KCNMA1: variants seen among roughly 807,000 people sequenced by gnomAD.
The protein encoded by KCNMA1 is Calcium-activated potassium channel subunit alpha-1.
A neutral mutation model predicts 140.0 loss-of-function variants in KCNMA1; 29 were observed. The observed-to-expected ratio is 0.21, with a 90% confidence interval of 0.15 to 0.28. KCNMA1 has a LOEUF of 0.28. Among genes scored for constraint, KCNMA1 ranks in the 10% least tolerant of loss-of-function variants. KCNMA1 has a pLI of 1.00. For synonymous variants in KCNMA1, 612 were observed against 611.9 expected (o/e 1.00, Z 0.00); for missense variants, 880 against 1,602.2 (o/e 0.55, Z 7.70).
At chr10:77,131,024 A>G (rs1306153594) in intron 5 of KCNMA1, among the ~76,000 whole-genome samples, 1 of 152,138 alleles carries the variant, frequency 6.6e-6, no homozygotes, top group East Asian at 1.9e-4. Context: ...GGTGAAATGA[A>G]GTGGCTGACC....
chr10:77,617,458 G>A (rs1212160028), intron 1 of KCNMA1, among the ~76,000 whole-genome samples: 1 of 152,228 alleles, frequency 6.6e-6, no homozygotes, highest in Non-Finnish European at 1.5e-5. Context: ...CAGGGAGGCA[G>A]TTATGCCCCT....
At chr10:77,147,205 C>T (rs1486827871) in intron 5 of KCNMA1, among the ~76,000 whole-genome samples, 1 of 152,210 alleles carries the variant, frequency 6.6e-6, no homozygotes, top group African/African-American at 2.4e-5. Context: ...ATAACTTGTA[C>T]TATAACTTAT....
chr10:77,434,006 A>C (rs1343308270), intron 1 of KCNMA1, among the ~76,000 whole-genome samples: 1 of 152,206 alleles, frequency 6.6e-6, no homozygotes, highest in Non-Finnish European at 1.5e-5. Context: ...TAGGAAGCTC[A>C]GTTAAACTTT....
At chr10:77,484,026 G>C (rs2098434295) in intron 1 of KCNMA1, among the ~76,000 whole-genome samples, 1 of 152,204 alleles carries the variant, frequency 6.6e-6, no homozygotes, top group South Asian at 2.1e-4. Flanking sequence ...GCCAAAAATG[G>C]CACTCAGGAA....
chr10:77,104,512 T>C (rs980838570), intron 9 of KCNMA1, among the ~76,000 whole-genome samples: 1 of 152,172 alleles, frequency 6.6e-6, no homozygotes, highest in Non-Finnish European at 1.5e-5. Flanking sequence ...CCTGTCAGCA[T>C]TTGGCTACCA....
intron 29 of KCNMA1, among the ~76,000 whole-genome samples, chr10:76,879,455 A>C (rs1474260071): frequency 6.6e-6 from 1 of 152,126 alleles, no homozygotes; most frequent in African/African-American, 2.4e-5. Flanking sequence ...CTAACTGATT[A>C]AGTGCTTTAA....
chr10:77,541,107 A>G (rs1237554099), intron 1 of KCNMA1, among the ~76,000 whole-genome samples: 1 of 152,180 alleles, frequency 6.6e-6, no homozygotes, highest in African/African-American at 2.4e-5. Context: ...CCTTTAATAT[A>G]AGACAGGAAA....
chr10:77,228,500 A>G (rs2052364551), intron 3 of KCNMA1, among the ~76,000 whole-genome samples: 1 of 152,172 alleles, frequency 6.6e-6, no homozygotes. Context: ...GAGATAAACA[A>G]AGAGTCTCTG....
intron 2 of KCNMA1, among the ~76,000 whole-genome samples, chr10:77,320,087 G>A (rs758087556): frequency 5.3e-5 from 8 of 152,218 alleles, no homozygotes; most frequent in Non-Finnish European, 1.2e-4. Context: ...TCTACACTCT[G>A]TGGATGGAAA....
Position 77,079,044 on chromosome 10 carries a change from G to T in KCNMA1, c.1593+437C>A, listed in dbSNP as rs965650610. Among the ~76,000 whole-genome samples, 7 of 152,160 alleles carry T rather than the reference G, an allele frequency of 4.6e-5. No homozygotes were observed. In the East Asian group the frequency reaches 1.2e-3, roughly 25 times the overall value. On this transcript the variant is annotated intron_variant, in intron 13 of 27. Transcript: ENST00000286628. ...CCAGCACTTTGGGAGGCCGAGGCGGGCAGATCACCTGAGGTTGGGAGTTCG... is the reference window on the plus strand; with the variant it reads ...CCAGCACTTTGGGAGGCCGAGGCGGTCAGATCACCTGAGGTTGGGAGTTCG...
chr10:77,381,637 T>G (rs913960166), intron 2 of KCNMA1, among the ~76,000 whole-genome samples: 9 of 149,492 alleles, frequency 6.0e-5, no homozygotes, highest in Non-Finnish European at 3.0e-5. Flanking sequence ...TTTCAATGAC[T>G]TTTTTTTTAA....
intron 10 of KCNMA1, 95 bp from the exon 11 acceptor site, chr10:77,086,688 T>G: frequency 2.3e-6 from 2 of 854,280 alleles, no homozygotes; most frequent in South Asian, 2.8e-5. Context: ...CAGGGAGCCC[T>G]GGGGAGAGGC....
At chr10:77,425,928 C>T (rs2096978242) in intron 1 of KCNMA1, among the ~76,000 whole-genome samples, 2 of 152,142 alleles carry the variant, frequency 1.3e-5, no homozygotes, top group Non-Finnish European at 2.9e-5. Flanking sequence ...AGAGGATAAG[C>T]TAAGCAAGGG....
chr10:77,508,340 A>ATTTTTT (rs58578775), intron 1 of KCNMA1, among the ~76,000 whole-genome samples: 149 of 131,614 alleles, frequency 1.1e-3, no homozygotes, highest in African/African-American at 1.6e-3. Context: ...ATGCCTGGCT[A>ATTTTTT]TTTTTTTTTT....
intron 2 of KCNMA1, among the ~76,000 whole-genome samples, chr10:77,264,030 G>A (rs949225221): frequency 6.6e-6 from 1 of 152,156 alleles, no homozygotes; most frequent in Non-Finnish European, 1.5e-5. Flanking sequence ...CCCGAATGAA[G>A]TAGAAAGTTT....
At chr10:77,479,931 T>C (rs570528261) in intron 1 of KCNMA1, among the ~76,000 whole-genome samples, 45 of 152,318 alleles carry the variant, frequency 3.0e-4, no homozygotes, top group Non-Finnish European at 6.0e-4. Context: ...TATAATTCCT[T>C]GTGTGTCCCA....
intron 2 of KCNMA1, among the ~76,000 whole-genome samples, chr10:77,318,655 C>T (rs1330708227): frequency 1.3e-5 from 2 of 152,090 alleles, no homozygotes; most frequent in Non-Finnish European, 2.9e-5. Context: ...ATGGTCAGTC[C>T]CTACTCACGT....
intron 2 of KCNMA1, among the ~76,000 whole-genome samples, chr10:77,345,529 T>C (rs115907763): frequency 2.3e-4 from 35 of 152,358 alleles, no homozygotes; most frequent in African/African-American, 7.7e-4. Context: ...GATGAAGTTA[T>C]GGGTTTCATA....
At chr10:77,079,578 CAGGTCTG>C in intron 12 of KCNMA1, 28 bp from the exon 13 acceptor site, 1 of 1,482,352 alleles carries the variant, frequency 6.7e-7, no homozygotes, top group East Asian at 2.3e-5. Context: ...AATGCTGAGA[CAGGTCTG>C]CCTTATGCAT....
Sources: allele counts gnomAD v4.1 joint callset (sites outside exome capture counted in the v4.1 genomes callset), GRCh38; gene constraint gnomAD v4.1.1; transcripts MANE v1.5; gene names NCBI Gene and HGNC (gene_info 2026-07-23, HGNC 2026-07-21).